Variants in STPG4 observed in about 807,000 individuals in gnomAD.
STPG4 encodes protein STPG4.
In STPG4, 41 loss-of-function variants were observed where a neutral mutation model predicts 31.5. That is an observed-to-expected ratio of 1.30 (90% CI 1.01 to 1.69). The LOEUF (loss-of-function observed/expected upper bound fraction) is 1.69. Among genes scored for constraint, STPG4 ranks in the 40% most tolerant of loss-of-function variants. The probability of loss-of-function intolerance (pLI) is 0.00; values close to 1 mark genes in which losing one functional copy is unlikely to be tolerated. For synonymous variants in STPG4, 141 were observed against 103.0 expected (o/e 1.37, Z -2.24); for missense variants, 375 against 293.4 (o/e 1.28, Z -2.03).
intron 5 of STPG4, among the ~76,000 whole-genome samples, chr2:47,125,771 C>T (rs1217586216): frequency 6.6e-6 from 1 of 151,532 alleles, no homozygotes; most frequent in Non-Finnish European, 1.5e-5. Flanking sequence ...ATTGCCCAGG[C>T]TGGTCTCGAA....
intron 3 of STPG4, among the ~76,000 whole-genome samples, chr2:47,149,033 T>G (rs186757546): frequency 1.7e-3 from 262 of 152,358 alleles, no homozygotes; most frequent in African/African-American, 6.0e-3. Context: ...CAAAGTATTC[T>G]GAGTTCTGCT....
intron 5 of STPG4, among the ~76,000 whole-genome samples, chr2:47,094,195 A>T (rs1685627446): frequency 6.6e-6 from 1 of 152,182 alleles, no homozygotes. Context: ...TCTTCCACAA[A>T]TCAAATGGGC....
Position 47,151,267 on chromosome 2 carries a change from G to A in STPG4, c.390C>T (p.Asp130=), listed in dbSNP as rs997233231. 3 of 1,614,038 alleles carry A rather than the reference G, an allele frequency of 1.9e-6. No individual in the cohort carries two copies. The African/African-American group carries it at 4.0e-5, about 22-fold the overall frequency. Residue 130 remains aspartate (D), a synonymous_variant, in exon 3 of 7, where the codon GAC becomes GAT. Transcript: ENST00000445927. ...GCCAGTAGCGCTTTACCTGATCTTT[G>A]TCAACTAGTGTGCTGGGGCTTGGCC... The part of the protein sequence containing the change: ...KPRPSPSTLV[D]KDQSLQLSPG...
intron 3 of STPG4, among the ~76,000 whole-genome samples, chr2:47,141,915 G>A (rs1686719899): frequency 6.8e-6 from 1 of 146,586 alleles, no homozygotes; most frequent in Non-Finnish European, 1.5e-5. Context: ...GATGCTGTGT[G>A]GCTACTGAAG....
chr2:47,148,986 T>A (rs1207967605), intron 3 of STPG4, among the ~76,000 whole-genome samples: 2 of 152,234 alleles, frequency 1.3e-5, no homozygotes, highest in African/African-American at 4.8e-5. Flanking sequence ...TCTAGCTTAA[T>A]GTATAACAAT....
At chr2:47,107,473 C>T (rs1414228684) in intron 5 of STPG4, among the ~76,000 whole-genome samples, 1 of 152,172 alleles carries the variant, frequency 6.6e-6, no homozygotes, top group East Asian at 1.9e-4. Context: ...GCCAGCCCAC[C>T]AGTGCTGCGC....
Position 47,127,252 on chromosome 2 carries a change from C to CTTTT in STPG4, c.519+2685_519+2688dup, listed in dbSNP as rs57475505. ...CAAATAGCTTGTCTTCAAGCTAATT[C>CTTTT]TTTTTTTTTTTTTTTTTTTTTTTTT... On this transcript the variant is annotated intron_variant, in intron 5 of 6. Transcript: ENST00000445927. Among the ~76,000 whole-genome samples, 141 of 57,470 alleles carry CTTTT rather than the reference C, an allele frequency of 2.5e-3. 31 individuals are homozygous for CTTTT. The highest frequency in any genetic ancestry group is 0.032 in the Middle Eastern group (2 of 62). 37.7% of individuals were successfully genotyped at this position (57,470 alleles called of 152,430 possible).
At chr2:47,127,322 G>A (rs114857887) in intron 5 of STPG4, among the ~76,000 whole-genome samples, 6,661 of 122,512 alleles carry the variant, frequency 0.054, 233 homozygotes, top group Middle Eastern at 0.17. Context: ...AGGCTGGAGC[G>A]CAGCAGCACA....
At chr2:47,146,963 C>T (rs1476378815) in intron 3 of STPG4, among the ~76,000 whole-genome samples, 1 of 151,852 alleles carries the variant, frequency 6.6e-6, no homozygotes, top group Non-Finnish European at 1.5e-5. Flanking sequence ...ATAATGAGAC[C>T]GCCTCTTCTA....
At chr2:47,094,424 G>A (rs1431348673) in intron 5 of STPG4, among the ~76,000 whole-genome samples, 2 of 152,156 alleles carry the variant, frequency 1.3e-5, no homozygotes, top group African/African-American at 2.4e-5. Flanking sequence ...CAACCCTCCT[G>A]ATGAGAATAT....
rs376452524 is a variant in STPG4, at chr2:47,155,271, A to G, written c.-20T>C. On this transcript the variant is annotated 5_prime_UTR_variant, in exon 1 of 7. Transcript: ENST00000445927. The stretch of plus-strand genomic sequence containing the variant: ...GTCCATGGTGGCCTCCTCTCTCTCT[A>G]GGCTGAACCTGAGCTCCGGTTGCTA... The G allele has an allele frequency of 2.6e-5, 42 of 1,613,402 alleles. No individual in the cohort carries two copies. The highest frequency in any genetic ancestry group is 3.4e-6 in the Non-Finnish European group (4 of 1,179,558).
intron 5 of STPG4, among the ~76,000 whole-genome samples, chr2:47,099,584 C>A (rs1573151730): frequency 6.6e-6 from 1 of 152,286 alleles, no homozygotes; most frequent in African/African-American, 2.4e-5. Context: ...TCCTCAGAGC[C>A]CTCGCTCGCT....
At chr2:47,114,157 G>GC (rs1191976185) in intron 5 of STPG4, among the ~76,000 whole-genome samples, 1 of 151,848 alleles carries the variant, frequency 6.6e-6, no homozygotes, top group Admixed American at 6.6e-5. Flanking sequence ...GATAGCTTAA[G>GC]CCCAGGTGTT....
chr2:47,120,565 T>G (rs1011481896), intron 5 of STPG4, among the ~76,000 whole-genome samples: 6 of 47,982 alleles, frequency 1.3e-4, no homozygotes, highest in African/African-American at 2.4e-4. Flanking sequence ...AGACTCCGTC[T>G]CAAAAAAAAA....
chr2:47,101,809 C>A lies in STPG4; in HGVS notation c.520-11435G>T, dbSNP rs144042448. 8.8e-3 allele frequency among the ~76,000 whole-genome samples: 1,342 copies of A among 151,958 alleles called. 56 individuals carry two copies. Among genetic ancestry groups the A allele is most frequent in the African/African-American group, 0.03 (1,237 of 41,300 alleles). ...TGAGCAAAGGTGTCACTCTTCCAAC[C>A]CTGAAGATCCCTTCCCTCCCTCAGG... On this transcript the variant is annotated intron_variant, in intron 5 of 6. Coordinates refer to ENST00000445927, the MANE Select transcript of STPG4 (RefSeq NM_001163561.2).
intron 5 of STPG4, among the ~76,000 whole-genome samples, chr2:47,103,194 C>T (rs2347612): frequency 0.82 from 124,967 of 151,694 alleles, 52,508 homozygotes; most frequent in South Asian, 0.95. Context: ...CTAAGGAGAA[C>T]TAGAAAAAAG....
intron 3 of STPG4, among the ~76,000 whole-genome samples, chr2:47,132,790 A>G (rs1558684018): frequency 6.6e-6 from 1 of 152,152 alleles, no homozygotes. Context: ...TCGCACATAC[A>G]CAGATATAAA....
At chr2:47,112,964 C>G (rs898569954) in intron 5 of STPG4, among the ~76,000 whole-genome samples, 8 of 139,900 alleles carry the variant, frequency 5.7e-5, no homozygotes, top group African/African-American at 2.2e-4. Context: ...TGCGCTCCAG[C>G]CTGGGCGACA....
intron 5 of STPG4, among the ~76,000 whole-genome samples, chr2:47,102,774 A>T (rs1158979163): frequency 6.6e-6 from 1 of 151,766 alleles, no homozygotes; most frequent in Non-Finnish European, 1.5e-5. Flanking sequence ...CTGTAGGGGG[A>T]GGGGAATTTG....
Sources: allele counts gnomAD v4.1 joint callset (sites outside exome capture counted in the v4.1 genomes callset), GRCh38; gene constraint gnomAD v4.1.1; transcripts MANE v1.5; gene names NCBI Gene and HGNC (gene_info 2026-07-23, HGNC 2026-07-21).